The following ADGRL3 variants were observed in gnomAD, a reference collection of about 807,000 sequenced individuals.
ADGRL3 encodes adhesion G protein-coupled receptor L3.
Under a neutral mutation model 153.5 loss-of-function variants are expected in ADGRL3, and 62 were observed. That is an observed-to-expected ratio of 0.40 (90% CI 0.33 to 0.50). The LOEUF is 0.50. ADGRL3 is among the 20% of genes least tolerant of loss of function. The pLI is 0.47. For synonymous variants in ADGRL3, 710 were observed against 672.5 expected (o/e 1.06, Z -0.86); for missense variants, 1,641 against 1,859.4 (o/e 0.88, Z 2.16).
chr4:61,703,263 A>T (rs563503518), intron 6 of ADGRL3, among the ~76,000 whole-genome samples: 1 of 151,810 alleles, frequency 6.6e-6, no homozygotes, highest in Admixed American at 6.6e-5. Context: ...TTAAAACACT[A>T]CCTGAAACAA....
chr4:61,709,960 T>G (rs907073035), intron 6 of ADGRL3, among the ~76,000 whole-genome samples: 1 of 152,226 alleles, frequency 6.6e-6, no homozygotes, highest in Admixed American at 6.5e-5. Context: ...CCATGCTATG[T>G]CTTAGAAAAG....
intron 5 of ADGRL3, among the ~76,000 whole-genome samples, chr4:61,645,838 G>C (rs2093952145): frequency 2.0e-5 from 3 of 152,166 alleles, no homozygotes; most frequent in Admixed American, 2.0e-4. Context: ...GGCCTGCGTT[G>C]CTAGAATGGG....
At chr4:61,722,075 T>C (rs1300604111) in intron 6 of ADGRL3, among the ~76,000 whole-genome samples, 1 of 152,184 alleles carries the variant, frequency 6.6e-6, no homozygotes, top group Non-Finnish European at 1.5e-5. Flanking sequence ...TGAAGCCAGC[T>C]AATTCAGATA....
At chr4:61,446,210 C>T (rs1237080693) in intron 2 of ADGRL3, among the ~76,000 whole-genome samples, 1 of 152,108 alleles carries the variant, frequency 6.6e-6, no homozygotes, top group Non-Finnish European at 1.5e-5. Context: ...CTTTCACTTT[C>T]TTTTGTAAGT....
chr4:61,898,842 C>G (rs1262003240), intron 11 of ADGRL3, among the ~76,000 whole-genome samples: 1 of 152,090 alleles, frequency 6.6e-6, no homozygotes, highest in Admixed American at 6.5e-5. Context: ...GTCTCAAACT[C>G]CTGAGCTCAG....
chr4:61,905,589 A>G (rs2098691479), intron 11 of ADGRL3, among the ~76,000 whole-genome samples: 1 of 152,056 alleles, frequency 6.6e-6, no homozygotes, highest in African/African-American at 2.4e-5. Flanking sequence ...GATATTTTCT[A>G]TTTTAAGAAT....
At chr4:61,262,744 C>T (rs1013543751) in intron 1 of ADGRL3, among the ~76,000 whole-genome samples, 4 of 152,126 alleles carry the variant, frequency 2.6e-5, no homozygotes, top group Non-Finnish European at 5.9e-5. Context: ...TTTTGTTCTA[C>T]TTTATACAAT....
chr4:61,496,619 G>T (rs1239155543), intron 2 of ADGRL3, among the ~76,000 whole-genome samples: 2 of 151,018 alleles, frequency 1.3e-5, no homozygotes, highest in African/African-American at 4.9e-5. Flanking sequence ...TCCAGCCTGG[G>T]CAAAAACAGC....
At chr4:61,686,970 A>G (rs2095456963) in intron 6 of ADGRL3, among the ~76,000 whole-genome samples, 1 of 152,120 alleles carries the variant, frequency 6.6e-6, no homozygotes, top group Admixed American at 6.6e-5. Context: ...CAAATGACAG[A>G]ATTATATTCT....
intron 6 of ADGRL3, among the ~76,000 whole-genome samples, chr4:61,684,891 AT>A (rs1580271206): frequency 6.6e-6 from 1 of 151,846 alleles, no homozygotes; most frequent in East Asian, 1.9e-4. Context: ...ATTCTAGTAG[AT>A]TTAAAAGCAC....
At chr4:61,837,267 A>G (rs556976176) in intron 9 of ADGRL3, among the ~76,000 whole-genome samples, 31 of 152,300 alleles carry the variant, frequency 2.0e-4, no homozygotes, top group Middle Eastern at 3.4e-3. Flanking sequence ...TCTACAAAGT[A>G]AACTGACAAA....
intron 8 of ADGRL3, among the ~76,000 whole-genome samples, chr4:61,761,001 A>G (rs1171096792): frequency 6.6e-6 from 1 of 152,162 alleles, no homozygotes; most frequent in African/African-American, 2.4e-5. Context: ...TAGGAGATGA[A>G]ATCATAGGGA....
intron 21 of ADGRL3, among the ~76,000 whole-genome samples, chr4:62,006,508 G>A (rs1157879364): frequency 6.6e-6 from 1 of 150,938 alleles, no homozygotes; most frequent in Non-Finnish European, 1.5e-5. Context: ...GGACATCTCA[G>A]TGCAGATGCT....
intron 19 of ADGRL3, among the ~76,000 whole-genome samples, chr4:61,985,671 G>A (rs1187466590): frequency 1.3e-5 from 2 of 152,080 alleles, no homozygotes; most frequent in East Asian, 3.9e-4. Context: ...AGAATTATTG[G>A]GAGCATAGTT....
chr4:61,430,653 A>G (rs954784969), intron 2 of ADGRL3, among the ~76,000 whole-genome samples: 1 of 152,188 alleles, frequency 6.6e-6, no homozygotes, highest in Admixed American at 6.5e-5. Context: ...AGAAACAAAT[A>G]TACATAAATA....
intron 17 of ADGRL3, among the ~76,000 whole-genome samples, chr4:61,965,487 C>G (rs574526029): frequency 6.6e-6 from 1 of 152,038 alleles, no homozygotes; most frequent in African/African-American, 2.4e-5. Context: ...CGGTGGCTCA[C>G]GCCTGTAATC....
At chr4:61,481,332 A>C (rs1385655277) in intron 2 of ADGRL3, among the ~76,000 whole-genome samples, 7 of 152,166 alleles carry the variant, frequency 4.6e-5, no homozygotes, top group African/African-American at 1.4e-4. Flanking sequence ...GTGATATCTG[A>C]GGATGCCAGT....
chr4:61,600,292 A>G (rs1392794526), intron 5 of ADGRL3, among the ~76,000 whole-genome samples: 1 of 99,290 alleles, frequency 1.0e-5, no homozygotes, highest in African/African-American at 4.1e-5. Flanking sequence ...TGGGCAGCAG[A>G]GTGAGGCTGC....
At position 61,732,749 on chromosome 4, in the gene ADGRL3, A is replaced by G. The variant is rs1481207288; in HGVS notation, c.599-5A>G. The G allele has an allele frequency of 6.8e-7, 1 of 1,480,672 alleles. No individual in the cohort carries two copies. Among genetic ancestry groups the G allele is most frequent in the East Asian group, 2.5e-5 (1 of 40,584 alleles). The allele number at this position is 1,480,672 out of a possible 1,614,324, so 91.7% of individuals were successfully genotyped here. A position where few individuals can be genotyped will look rare whatever the true frequency, so the allele number is the denominator to read the frequency against. Reference sequence around the variant, plus strand: ...TATTTATTTTAACTGTTTCCCTTCCAACAGTTTTTCTTTGTCCTGGACTAC... The same window carrying G: ...TATTTATTTTAACTGTTTCCCTTCCGACAGTTTTTCTTTGTCCTGGACTAC... On this transcript the variant is annotated splice_polypyrimidine_tract_variant and splice_region_variant and intron_variant, in intron 7 of 26. Transcript: ENST00000683033.
Sources: allele counts gnomAD v4.1 joint callset (sites outside exome capture counted in the v4.1 genomes callset), GRCh38; gene constraint gnomAD v4.1.1; transcripts MANE v1.5; gene names NCBI Gene and HGNC (gene_info 2026-07-23, HGNC 2026-07-21).